Variants in TXNRD2 observed in about 807,000 individuals in gnomAD.
The protein encoded by TXNRD2 is thioredoxin reductase 2, mitochondrial.
Under a neutral mutation model 70.8 loss-of-function variants are expected in TXNRD2, and 67 were observed. That is an observed-to-expected ratio of 0.95 (90% CI 0.78 to 1.16). TXNRD2 has a LOEUF of 1.16. Among genes scored for constraint, TXNRD2 ranks in the 50% most tolerant of loss-of-function variants. The pLI is 0.00. For synonymous variants in TXNRD2, 301 were observed against 295.8 expected (o/e 1.02, Z -0.18); for missense variants, 644 against 719.9 (o/e 0.89, Z 1.21).
At position 19,875,603 on chromosome 22, in the gene TXNRD2, C is replaced by G. The variant is rs1024433371; in HGVS notation, c.*270G>C. On this transcript the variant is annotated 3_prime_UTR_variant, in exon 18 of 18. Transcript: ENST00000400521. Reference sequence around the variant, plus strand: ...GGGTGCCCACAGGGTAGGTTTCCACCCAGGTCGTCATCATCTGGCACCAGG... The same window carrying G: ...GGGTGCCCACAGGGTAGGTTTCCACGCAGGTCGTCATCATCTGGCACCAGG... The G allele has an allele frequency of 3.3e-5, 5 of 151,780 alleles. No individual in the cohort carries two copies. The highest frequency in any genetic ancestry group is 1.2e-4 in the African/African-American group (5 of 40,932). The allele number at this position is 151,780 out of a possible 1,614,324, so 9.4% of individuals were successfully genotyped here. A position where few individuals can be genotyped will look rare whatever the true frequency, so the allele number is the denominator to read the frequency against.
At chr22:19,941,615 C>A (rs1941717791) in intron 1 of TXNRD2, 86 bp downstream of exon 1, 4 of 1,359,234 alleles carry the variant, frequency 2.9e-6, no homozygotes, top group Non-Finnish European at 3.7e-6. Flanking sequence ...CACGGGGACA[C>A]CCTGGCCACC....
chr22:19,935,735 A>G (rs1032221294), intron 1 of TXNRD2, among the ~76,000 whole-genome samples: 6 of 152,204 alleles, frequency 3.9e-5, no homozygotes, highest in African/African-American at 1.2e-4. Context: ...AGAAAATAGA[A>G]AGAACGTACG....
chr22:19,933,426 G>A (rs10483103), intron 1 of TXNRD2: 81,162 of 1,287,654 alleles, frequency 0.063, 4,733 homozygotes, highest in East Asian at 0.32. Context: ...TGCTCAGAAC[G>A]TCCCTACCTT....
Position 19,931,110 on chromosome 22 carries a change from G to C in TXNRD2, c.104-12C>G, listed in dbSNP as rs142727613. ...GTCCCGCTGACCTGCTGAGAGAAGG[G>C]ATGAGAGGTGGGACGGACTGTCTGT... On this transcript the variant is annotated splice_polypyrimidine_tract_variant and intron_variant, in intron 1 of 17. Coordinates refer to ENST00000400521, the MANE Select transcript of TXNRD2 (RefSeq NM_006440.5). 119 of 1,612,664 alleles carry C rather than the reference G, an allele frequency of 7.4e-5. 1 individual carries two copies. The East Asian group carries it at 2.1e-3, about 28-fold the overall frequency.
At chr22:19,897,761 C>T (rs1939574229) in intron 10 of TXNRD2, among the ~76,000 whole-genome samples, 1 of 152,226 alleles carries the variant, frequency 6.6e-6, no homozygotes, top group Non-Finnish European at 1.5e-5. Context: ...GGAGGGTGAC[C>T]TGCTCTGCCG....
intron 9 of TXNRD2, 29 bp from the exon 10 acceptor site, chr22:19,898,159 A>AAAT: frequency 6.5e-7 from 1 of 1,547,994 alleles, no homozygotes. Flanking sequence ...GGAGCACTGT[A>AAAT]GATCCCAATT....
chr22:19,938,529 C>T (rs1211822494), intron 1 of TXNRD2, among the ~76,000 whole-genome samples: 1 of 152,170 alleles, frequency 6.6e-6, no homozygotes, highest in Non-Finnish European at 1.5e-5. Context: ...TTATGGCCTT[C>T]CTCCTGGCTT....
chr22:19,927,152 G>T (rs1941178465), intron 2 of TXNRD2, among the ~76,000 whole-genome samples: 1 of 151,992 alleles, frequency 6.6e-6, no homozygotes, highest in Admixed American at 6.6e-5. Flanking sequence ...AAATTAGCTG[G>T]GCGTGGTGGC....
Position 19,899,545 on chromosome 22 carries a change from C to A in TXNRD2, c.663-477G>T, listed in dbSNP as rs555854775. The stretch of plus-strand genomic sequence containing the variant: ...CACATCCAACCCTATCACAGCTAGG[C>A]GCAGGGCCAGGAGGGCCAGCTCCCC... On this transcript the variant is annotated intron_variant, in intron 8 of 17. Transcript: ENST00000400521. 3.3e-5 allele frequency among the ~76,000 whole-genome samples: 5 copies of A among 152,372 alleles called. No individual in the cohort carries two copies. The South Asian group carries it at 1.0e-3, about 32-fold the overall frequency.
Position 19,915,373 on chromosome 22 carries a change from C to T in TXNRD2, c.529-97G>A, listed in dbSNP as rs2073771. ...CACAGACCTTGGCCAGCAGTTCCCA[C>T]GGCCCCTGCCCTGTAGCGTGGACCC... On this transcript the variant is annotated intron_variant, in intron 6 of 17. Coordinates refer to ENST00000400521, the MANE Select transcript of TXNRD2 (RefSeq NM_006440.5). The T allele has an allele frequency of 0.4, 504,975 of 1,270,612 alleles. 108,093 individuals are homozygous for T. The highest frequency in any genetic ancestry group is 0.87 in the East Asian group (34,983 of 40,316). 78.7% of individuals were successfully genotyped at this position (1,270,612 alleles called of 1,614,324 possible).
intron 12 of TXNRD2, 139 bp downstream of exon 12, chr22:19,883,186 C>G (rs1938860044): frequency 1.8e-6 from 2 of 1,114,300 alleles, no homozygotes; most frequent in East Asian, 5.0e-5. Context: ...ACAGGCTGGC[C>G]CTGGGGTTTG....
At chr22:19,879,673 G>T (rs1046771966) in intron 14 of TXNRD2, among the ~76,000 whole-genome samples, 4 of 152,096 alleles carry the variant, frequency 2.6e-5, no homozygotes, top group African/African-American at 9.7e-5. Flanking sequence ...AACTTTTCTG[G>T]GTAGAGTGAG....
At chr22:19,915,082 T>C in intron 7 of TXNRD2, 132 bp downstream of exon 7, 1 of 849,672 alleles carries the variant, frequency 1.2e-6, no homozygotes. Flanking sequence ...AAGCAGAAAG[T>C]GATGATAGTG....
At chr22:19,880,312 G>A (rs372067532) in intron 13 of TXNRD2, 41 bp from the exon 14 acceptor site, 32 of 1,590,384 alleles carry the variant, frequency 2.0e-5, no homozygotes, top group East Asian at 6.7e-5. Context: ...CTTGGGCCCC[G>A]AAAACCGAAG....
chr22:19,910,638 G>T (rs894479256), intron 8 of TXNRD2, among the ~76,000 whole-genome samples: 101 of 152,338 alleles, frequency 6.6e-4, no homozygotes, highest in Admixed American at 6.2e-3. Context: ...TTGAGACAAG[G>T]TCTCACTCTC....
intron 8 of TXNRD2, among the ~76,000 whole-genome samples, chr22:19,909,871 C>CACTCACACACAACCACACACACCCT (rs1940302241): frequency 5.4e-5 from 3 of 55,654 alleles, no homozygotes; most frequent in African/African-American, 3.0e-4. Flanking sequence ...ACACACACAC[C>CACTCACACACAACCACACACACCCT]ACTCACACAC....
intron 8 of TXNRD2, among the ~76,000 whole-genome samples, chr22:19,908,800 A>G (rs566961819): frequency 2.0e-5 from 3 of 152,368 alleles, no homozygotes; most frequent in Non-Finnish European, 2.9e-5. Context: ...CAGTCTTAAA[A>G]AGAAGGAAAT....
rs143966577 is a variant in TXNRD2, at chr22:19,883,313, C to G, written c.1086+12G>C. On this transcript the variant is annotated intron_variant, in intron 12 of 17. Transcript: ENST00000400521. Reference sequence around the variant, plus strand: ...AGGGGCAGGGGCCCTGGTCCCGGGACGCATGCCGTACCTCCACCACGTCAC... The same window carrying G: ...AGGGGCAGGGGCCCTGGTCCCGGGAGGCATGCCGTACCTCCACCACGTCAC... 6.2e-7 allele frequency: 1 copy of G among 1,612,332 alleles called. No homozygotes were observed. Among genetic ancestry groups the G allele is most frequent in the Admixed American group, 1.7e-5 (1 of 60,016 alleles).
intron 2 of TXNRD2, among the ~76,000 whole-genome samples, chr22:19,925,770 A>C (rs1053359084): frequency 6.6e-6 from 1 of 151,968 alleles, no homozygotes; most frequent in South Asian, 2.1e-4. Flanking sequence ...GTGATCTTGG[A>C]TTTCTTAGCT....
Sources: gnomAD v4.1 joint callset for allele counts (sites outside exome capture counted in the v4.1 genomes callset) on GRCh38, gnomAD v4.1.1 for gene constraint, MANE v1.5 for transcripts, NCBI Gene and HGNC (gene_info 2026-07-23, HGNC 2026-07-21) for gene names.